Variants in NMNAT2 observed in about 807,000 individuals in gnomAD.
NMNAT2 encodes nicotinamide/nicotinic acid mononucleotide adenylyltransferase 2.
NMNAT2 carries 11 observed loss-of-function variants against 41.6 expected under a neutral mutation model. That is an observed-to-expected ratio of 0.26 (90% confidence interval 0.17 to 0.44). The LOEUF (loss-of-function observed/expected upper bound fraction) is 0.44. Ranked by LOEUF, NMNAT2 falls within the 20% of genes least tolerant of loss-of-function variation. The pLI is 1.00. For synonymous variants in NMNAT2, 148 were observed against 151.2 expected, an observed-to-expected ratio of 0.98 and a Z score of 0.16; for missense variants, 288 against 407.7, an observed-to-expected ratio of 0.71 and a Z score of 2.53.
At chr1:183,352,562 CAAAAAA>C (rs55706245) in intron 1 of NMNAT2, among the ~76,000 whole-genome samples, 2 of 79,160 alleles carry the variant, frequency 2.5e-5, no homozygotes, top group African/African-American at 9.8e-5. Flanking sequence ...CAGTCTGTCT[CAAAAAA>C]AAAAAAAAAA....
intron 1 of NMNAT2, among the ~76,000 whole-genome samples, chr1:183,402,079 A>C (rs1557901009): frequency 6.6e-6 from 1 of 150,852 alleles, no homozygotes; most frequent in African/African-American, 2.5e-5. Context: ...TAAAAAAAAA[A>C]TATGCTAAGA....
At chr1:183,306,188 C>A (rs927757222) in intron 1 of NMNAT2, among the ~76,000 whole-genome samples, 1 of 152,076 alleles carries the variant, frequency 6.6e-6, no homozygotes, top group Non-Finnish European at 1.5e-5. Context: ...TAGTCCCCGA[C>A]AAACTGTGTT....
At chr1:183,401,285 A>G (rs1466649893) in intron 1 of NMNAT2, among the ~76,000 whole-genome samples, 1 of 152,236 alleles carries the variant, frequency 6.6e-6, no homozygotes, top group Non-Finnish European at 1.5e-5. Flanking sequence ...AAAAGAAGAC[A>G]TTTATGCAGC....
At chr1:183,347,345 A>G (rs1257794023) in intron 1 of NMNAT2, among the ~76,000 whole-genome samples, 2 of 152,080 alleles carry the variant, frequency 1.3e-5, no homozygotes, top group African/African-American at 4.8e-5. Flanking sequence ...AGTCCCAGCT[A>G]CTCAAGAGGG....
chr1:183,394,494 T>C (rs1648576543), intron 1 of NMNAT2, among the ~76,000 whole-genome samples: 1 of 152,214 alleles, frequency 6.6e-6, no homozygotes, highest in Admixed American at 6.5e-5. Flanking sequence ...TTATTTTCTA[T>C]TCTGTAGAGC....
chr1:183,283,932 C>T, intron 7 of NMNAT2, 63 bp downstream of exon 7: 1 of 1,513,722 alleles, frequency 6.6e-7, no homozygotes, highest in East Asian at 2.3e-5. Flanking sequence ...CCCCATGTTG[C>T]CTGTCGTGAA....
At chr1:183,391,532 A>T (rs566360802) in intron 1 of NMNAT2, among the ~76,000 whole-genome samples, 14 of 85,242 alleles carry the variant, frequency 1.6e-4, no homozygotes, top group African/African-American at 6.3e-4. Context: ...CTCTCATCTT[A>T]AAAAAAAATA....
intron 1 of NMNAT2, among the ~76,000 whole-genome samples, chr1:183,402,775 T>C (rs903209169): frequency 6.6e-6 from 1 of 152,082 alleles, no homozygotes; most frequent in African/African-American, 2.4e-5. Flanking sequence ...CCCACGAAGG[T>C]CTTTGGACAG....
At chr1:183,309,736 G>A (rs1164016843) in intron 1 of NMNAT2, among the ~76,000 whole-genome samples, 1 of 152,150 alleles carries the variant, frequency 6.6e-6, no homozygotes, top group Non-Finnish European at 1.5e-5. Flanking sequence ...GTCCCCCCAA[G>A]CCCAAGAGTA....
rs547912896 is a variant in NMNAT2, at chr1:183,337,279, A to G, written c.86-43486T>C. ...GACATAGTGAAGGGATAAAAATATG[A>G]AAAAAATTAGGAAGAGAGAAAATCC... On this transcript the variant is annotated intron_variant, in intron 1 of 10. Coordinates refer to ENST00000287713, the MANE Select transcript of NMNAT2 (RefSeq NM_015039.4). 8.1e-3 allele frequency among the ~76,000 whole-genome samples: 1,232 copies of G among 152,232 alleles called. 18 individuals are homozygous for G. The highest frequency in any genetic ancestry group is 0.028 in the African/African-American group (1,166 of 41,542).
At chr1:183,389,005 G>A (rs960701503) in intron 1 of NMNAT2, among the ~76,000 whole-genome samples, 1 of 152,168 alleles carries the variant, frequency 6.6e-6, no homozygotes, top group African/African-American at 2.4e-5. Context: ...GGAAAAGAAA[G>A]GGTTTCACTG....
At chr1:183,275,136 G>A (rs773399773) in intron 8 of NMNAT2, among the ~76,000 whole-genome samples, 86 of 152,320 alleles carry the variant, frequency 5.6e-4, no homozygotes, top group Non-Finnish European at 8.7e-4. Flanking sequence ...AACTGAGATT[G>A]AAGTCCTGTC....
intron 1 of NMNAT2, among the ~76,000 whole-genome samples, chr1:183,317,137 C>G (rs533308997): frequency 6.6e-6 from 1 of 152,216 alleles, no homozygotes; most frequent in Non-Finnish European, 1.5e-5. Context: ...AAATGGGAAC[C>G]GTCGGGTCAT....
intron 1 of NMNAT2, among the ~76,000 whole-genome samples, chr1:183,345,486 G>T (rs1284758097): frequency 6.6e-6 from 1 of 151,934 alleles, no homozygotes; most frequent in Non-Finnish European, 1.5e-5. Flanking sequence ...TGAATTAATG[G>T]GTTATGATGG....
chr1:183,283,884 G>T, intron 7 of NMNAT2, 111 bp downstream of exon 7: 1 of 1,011,538 alleles, frequency 9.9e-7, no homozygotes, highest in Non-Finnish European at 1.6e-6. Context: ...AGGAGACCCT[G>T]CTGCAAAACA....
At chr1:183,294,415 T>C (rs1180204425) in intron 1 of NMNAT2, among the ~76,000 whole-genome samples, 2 of 152,200 alleles carry the variant, frequency 1.3e-5, no homozygotes, top group South Asian at 2.1e-4. Context: ...CAAACCCAAT[T>C]TTATTTTCGC....
chr1:183,346,682 T>A (rs1374521152), intron 1 of NMNAT2, among the ~76,000 whole-genome samples: 1 of 152,214 alleles, frequency 6.6e-6, no homozygotes, highest in East Asian at 1.9e-4. Flanking sequence ...CTTTTTGTTT[T>A]CTGTTTCTGC....
chr1:183,354,951 A>T (rs914692794), intron 1 of NMNAT2, among the ~76,000 whole-genome samples: 26 of 152,172 alleles, frequency 1.7e-4, no homozygotes, highest in African/African-American at 6.3e-4. Flanking sequence ...TTTTCGAAAC[A>T]TATATCAGAA....
chr1:183,281,827 G>A (rs1661277490), intron 7 of NMNAT2, among the ~76,000 whole-genome samples: 1 of 152,244 alleles, frequency 6.6e-6, no homozygotes, highest in Non-Finnish European at 1.5e-5. Context: ...CTCATTTAGT[G>A]TGGAAGGAAA....
Sources: gnomAD v4.1 joint callset for allele counts (sites outside exome capture counted in the v4.1 genomes callset) on GRCh38, gnomAD v4.1.1 for gene constraint, MANE v1.5 for transcripts, NCBI Gene and HGNC (gene_info 2026-07-23, HGNC 2026-07-21) for gene names.